The following XRCC1 variants were observed in gnomAD, a reference collection of about 807,000 sequenced individuals.
The protein encoded by XRCC1 is X-ray repair cross complementing 1, also known as DNA repair protein XRCC1.
XRCC1 carries 52 observed loss-of-function variants against 83.3 expected under a neutral mutation model. The observed-to-expected ratio is 0.62, with a 90% CI of 0.50 to 0.79. The LOEUF is 0.79. XRCC1 is among the 30% of genes least tolerant of loss of function. The pLI is 0.00. For synonymous variants in XRCC1, 281 were observed against 312.6 expected (o/e 0.90, Z 1.07); for missense variants, 793 against 823.5 (o/e 0.96, Z 0.45).
intron 3 of XRCC1, chr19:43,555,436 T>C (rs1017231973): frequency 5.9e-5 from 9 of 152,288 alleles, no homozygotes; most frequent in African/African-American, 2.2e-4. Context: ...TTGCAGATCC[T>C]GTGAGCATCA....
At chr19:43,567,536 C>T (rs189281666) in intron 2 of XRCC1, among the ~76,000 whole-genome samples, 64 of 152,212 alleles carry the variant, frequency 4.2e-4, no homozygotes, top group African/African-American at 1.5e-3. Context: ...AGTCTCGAAT[C>T]CCTGACCTCA....
intron 1 of XRCC1, 147 bp from the exon 2 acceptor site, chr19:43,575,149 G>A (rs1972843757): frequency 2.5e-6 from 2 of 787,500 alleles, no homozygotes; most frequent in Non-Finnish European, 4.2e-6. Context: ...TCTGCCTGGA[G>A]TTTCCCCTAC....
intron 2 of XRCC1, among the ~76,000 whole-genome samples, chr19:43,571,272 A>C (rs1972804479): frequency 6.6e-6 from 1 of 152,262 alleles, no homozygotes; most frequent in Middle Eastern, 3.4e-3. Context: ...AGCCAGCTTC[A>C]GAGTCTTTTC....
chr19:43,549,613 G>T (rs978814072), intron 10 of XRCC1, among the ~76,000 whole-genome samples: 2 of 152,058 alleles, frequency 1.3e-5, no homozygotes, highest in African/African-American at 4.8e-5. Context: ...CTGGAGTGCA[G>T]CGGTGCAATC....
At chr19:43,573,441 A>G (rs1427696413) in intron 2 of XRCC1, among the ~76,000 whole-genome samples, 1 of 152,214 alleles carries the variant, frequency 6.6e-6, no homozygotes, top group African/African-American at 2.4e-5. Context: ...AAACTCATCA[A>G]TGGAGCAGGG....
rs758593353 is a variant in XRCC1 at position 43,575,013 on chromosome 19, C to G, written c.52-11G>C. 6.2e-7 allele frequency: 1 copy of G among 1,608,920 alleles called. No individual in the cohort carries two copies. Among genetic ancestry groups the G allele is most frequent in the Non-Finnish European group, 8.5e-7 (1 of 1,175,278 alleles). On this transcript the variant is annotated splice_polypyrimidine_tract_variant and intron_variant, in intron 1 of 16. Coordinates refer to ENST00000262887, the MANE Select transcript of XRCC1 (RefSeq NM_006297.3). ...TTCTGCACAGTGAGTCTGGAAACAA[C>G]AGTGGGAGAGGAGAATTAGGGCACA...
Position 43,553,003 on chromosome 19 carries a change from C to G in XRCC1, c.690G>C (p.Arg230Ser). ...SAASSASPVSRAIGSTSKPQE... is the reference protein window; with the variant it reads ...SAASSASPVSSAIGSTSKPQE... ...TCACCTTGGAGGTGCTGCCTATGGC[C>G]CTGGAGACTGGAGAGGCTGAGGAGG... Residue 230 changes from arginine (R) to serine (S), a missense_variant, in exon 7 of 17, where the codon AGG becomes AGC. Coordinates refer to ENST00000262887, the MANE Select transcript of XRCC1 (RefSeq NM_006297.3). 1 of 1,603,392 alleles carries G rather than the reference C, an allele frequency of 6.2e-7. No individual in the cohort carries two copies. Among genetic ancestry groups the G allele is most frequent in the Non-Finnish European group, 8.5e-7 (1 of 1,175,300 alleles).
chr19:43,545,626 AC>A (rs1355645224), intron 14 of XRCC1, among the ~76,000 whole-genome samples, 191 bp downstream of exon 14: 2 of 152,194 alleles, frequency 1.3e-5, no homozygotes, highest in Non-Finnish European at 2.9e-5. Context: ...AAGGCAAGTC[AC>A]AGAGAGGATG....
chr19:43,543,778 A>T, intron 15 of XRCC1, 91 bp from the exon 16 acceptor site: 1 of 1,218,052 alleles, frequency 8.2e-7, no homozygotes, highest in Admixed American at 1.8e-5. Context: ...CTGTCCCCAC[A>T]CTGTCCCCAC....
At chr19:43,569,687 C>A (rs1246989139) in intron 2 of XRCC1, among the ~76,000 whole-genome samples, 1 of 151,656 alleles carries the variant, frequency 6.6e-6, no homozygotes, top group Non-Finnish European at 1.5e-5. Context: ...GAGGCTGAGG[C>A]AAGAGAACCA....
chr19:43,546,809 G>C lies in XRCC1; in HGVS notation c.1293+75C>G, dbSNP rs1251219924. On this transcript the variant is annotated intron_variant, in intron 11 of 16. Transcript: ENST00000262887. Reference sequence around the variant, plus strand: ...GGGTACCTGCAAGAGGCAAGAGTGGGAAGTTTGGGGTGCCACAGCGGACTC... The same window carrying C: ...GGGTACCTGCAAGAGGCAAGAGTGGCAAGTTTGGGGTGCCACAGCGGACTC... The C allele has an allele frequency of 3.1e-6, 5 of 1,597,564 alleles. No homozygotes were observed. The East Asian group carries it at 1.1e-4, about 36-fold the overall frequency.
At chr19:43,563,661 A>G (rs1972724056) in intron 2 of XRCC1, among the ~76,000 whole-genome samples, 1 of 152,102 alleles carries the variant, frequency 6.6e-6, no homozygotes, top group African/African-American at 2.4e-5. Flanking sequence ...CCCCCTGCCT[A>G]GACCACTCTT....
intron 10 of XRCC1, among the ~76,000 whole-genome samples, chr19:43,549,553 A>ACT (rs1972555017): frequency 6.6e-6 from 1 of 151,960 alleles, no homozygotes; most frequent in East Asian, 1.9e-4. Flanking sequence ...GAGCCACTGC[A>ACT]CTCAGCCAAA....
At chr19:43,563,022 C>T (rs1166356953) in intron 2 of XRCC1, among the ~76,000 whole-genome samples, 5 of 152,216 alleles carry the variant, frequency 3.3e-5, no homozygotes. Context: ...TGGCAACAGT[C>T]CACGCGTGCT....
intron 2 of XRCC1, among the ~76,000 whole-genome samples, chr19:43,565,691 C>T (rs1439290448): frequency 6.6e-6 from 1 of 152,178 alleles, no homozygotes. Flanking sequence ...ATCCCAGCAC[C>T]GTGGGAGGTG....
chr19:43,574,999 G>T lies in XRCC1; in HGVS notation c.55C>A (p.His19Asn). 1 of 1,613,746 alleles carries T rather than the reference G, an allele frequency of 6.2e-7. No homozygotes were observed. Among genetic ancestry groups the T allele is most frequent in the South Asian group, 1.1e-5 (1 of 91,066 alleles). ...VVSCSSQDST[H>N]CAENLLKADT... ...GCCTTGAGAAGATTTTCTGCACAGT[G>T]AGTCTGGAAACAACAGTGGGAGAGG... Residue 19 changes from histidine (H) to asparagine (N), a missense_variant, in exon 2 of 17, where the codon CAC (histidine) becomes AAC (asparagine). By Grantham distance (68) the His-to-Asn change is moderately conservative (BLOSUM62 1). Coordinates refer to ENST00000262887, the MANE Select transcript of XRCC1 (RefSeq NM_006297.3).
At position 43,574,926 on chromosome 19, in the gene XRCC1, A is replaced by G. The variant is rs780948893; in HGVS notation, c.128T>C (p.Ile43Thr). 1.9e-6 allele frequency: 3 copies of G among 1,614,084 alleles called. No homozygotes were observed. In the Admixed American group the frequency reaches 5.0e-5, roughly 27 times the overall value. The change falls in exon 2 of 17, where the codon ATC (isoleucine) becomes ACC (threonine). Residue 43 changes from isoleucine (I) to threonine (T), a missense_variant. Transcript: ENST00000262887. ...WRAAKAGEKT[I>T]SVVLQLEKEE... ...CAGGATCACCTGTAGGACCACAGAGATGGTCTTCTCGCCTGCCTTGGCTGC... is the reference window on the plus strand; with the variant it reads ...CAGGATCACCTGTAGGACCACAGAGGTGGTCTTCTCGCCTGCCTTGGCTGC...
Position 43,545,797 on chromosome 19 carries a change from AG to A in XRCC1, c.1621+20del. ...TGAGAAGAGAAAATGCCACTTCAGG[AG>A]GGATGGGGGGATTTCCCACCTGGGA... On this transcript the variant is annotated intron_variant, in intron 14 of 16. Coordinates refer to ENST00000262887, the MANE Select transcript of XRCC1 (RefSeq NM_006297.3). The A allele has an allele frequency of 3.1e-6, 5 of 1,612,528 alleles. No homozygotes were observed. Among genetic ancestry groups the A allele is most frequent in the Non-Finnish European group, 4.2e-6 (5 of 1,179,134 alleles).
intron 7 of XRCC1, 24 bp from the exon 8 acceptor site, chr19:43,552,932 G>A (rs1972596498): frequency 1.2e-6 from 2 of 1,611,806 alleles, no homozygotes; most frequent in Middle Eastern, 1.7e-4. Context: ...GATGGATTGA[G>A]GCCTCCAGCT....
Sources: gnomAD v4.1 joint callset for allele counts (sites outside exome capture counted in the v4.1 genomes callset) on GRCh38, gnomAD v4.1.1 for gene constraint, MANE v1.5 for transcripts, NCBI Gene and HGNC (gene_info 2026-07-23, HGNC 2026-07-21) for gene names.